Variants in APOL5 observed in about 807,000 individuals in gnomAD.
The protein encoded by APOL5 is apolipoprotein L5.
In APOL5, 29 loss-of-function variants were observed where a neutral mutation model predicts 35.5. The ratio of observed to expected loss-of-function variants is 0.82; its 90% CI spans 0.61 to 1.11. The LOEUF is 1.11. Ranked by LOEUF, APOL5 falls within the 50% of genes most tolerant of loss-of-function variation. APOL5 has a pLI of 0.00. For missense variants in APOL5, 514 were observed against 530.4 expected, an observed-to-expected ratio of 0.97 and a Z score of 0.30; for synonymous variants, 188 against 200.2, an observed-to-expected ratio of 0.94 and a Z score of 0.51.
the APOL5 span, among the ~76,000 whole-genome samples, chr22:35,712,782 G>A: frequency 1.3e-5 from 2 of 152,110 alleles, no homozygotes; most frequent in African/African-American, 2.4e-5. Flanking sequence ...TATGACCTGG[G>A]CCTTCTACCT....
chr22:35,726,775 C>T lies in APOL5; in HGVS notation c.707C>T (p.Ala236Val). The T allele has an allele frequency of 6.2e-7, 1 of 1,614,204 alleles. No homozygotes were observed. Among genetic ancestry groups the T allele is most frequent in the East Asian group, 2.2e-5 (1 of 44,890 alleles). ...AGFCVNKCVK[A>V]IQGIKDLHAY... Reference sequence around the variant, plus strand: ...TTTTGTGTTAATAAGTGTGTAAAAGCTATCCAGGGCATCAAGGATCTTCAT... The same window carrying T: ...TTTTGTGTTAATAAGTGTGTAAAAGTTATCCAGGGCATCAAGGATCTTCAT... Residue 236 changes from alanine to valine, a missense_variant, in exon 3 of 5, where the codon GCT becomes GTT. Around this residue, in one of 3 missense-constraint regions of APOL5, gnomAD observed 22 missense variants for 46.6 expected, o/e 0.47. Coordinates refer to ENST00000249044, the MANE Select transcript of APOL5 (RefSeq NM_030642.1).
At chr22:35,710,915 C>G in the APOL5 span, among the ~76,000 whole-genome samples, 1 of 152,174 alleles carries the variant, frequency 6.6e-6, no homozygotes, top group African/African-American at 2.4e-5. Context: ...GCCTGTAATC[C>G]CAACACTTTG....
the APOL5 span, among the ~76,000 whole-genome samples, chr22:35,711,789 C>A: frequency 6.6e-6 from 1 of 151,458 alleles, no homozygotes; most frequent in Non-Finnish European, 1.5e-5. Context: ...GATTCCCCTG[C>A]CTCAGCCTCC....
upstream of APOL5, chr22:35,717,755 AAAG>A: frequency 5.7e-6 from 2 of 350,572 alleles, no homozygotes; most frequent in Non-Finnish European, 8.7e-6. Flanking sequence ...AAAAAAAAAG[AAAG>A]AAAAGAAAAG....
intron 2 of APOL5, among the ~76,000 whole-genome samples, chr22:35,722,791 A>G (rs897232035): frequency 6.6e-6 from 1 of 152,174 alleles, no homozygotes; most frequent in Non-Finnish European, 1.5e-5. Flanking sequence ...TCTTTCCCAA[A>G]GAGCCTAGAT....
chr22:35,710,314 T>C, the APOL5 span, among the ~76,000 whole-genome samples: 1 of 148,082 alleles, frequency 6.8e-6, no homozygotes, highest in East Asian at 2.0e-4. Flanking sequence ...TTATTCTTCT[T>C]TTTTTTTTGT....
At chr22:35,720,681 C>T (rs1926940833) in intron 2 of APOL5, 27 bp downstream of exon 2, 1 of 1,474,206 alleles carries the variant, frequency 6.8e-7, no homozygotes, top group Non-Finnish European at 9.5e-7. Flanking sequence ...GGCTGTTATG[C>T]TTATGGCCAC....
upstream of APOL5, among the ~76,000 whole-genome samples, chr22:35,717,235 A>AAAAAAAAAAAAAATATATATATATATAT: frequency 6.9e-5 from 4 of 57,658 alleles, no homozygotes; most frequent in Non-Finnish European, 3.1e-5. Context: ...AAAAAAAAAA[A>AAAAAAAAAAAAAATATATATATATATAT]ATATATATAT....
chr22:35,710,831 G>A, the APOL5 span, among the ~76,000 whole-genome samples: 1 of 152,228 alleles, frequency 6.6e-6, no homozygotes, highest in South Asian at 2.1e-4. Flanking sequence ...ATTTCACCTA[G>A]CAGAATGTCT....
chr22:35,726,190 A>G (rs371262071), intron 2 of APOL5, 21 bp from the exon 3 acceptor site: 1 of 1,594,634 alleles, frequency 6.3e-7, no homozygotes, highest in Non-Finnish European at 8.6e-7. Context: ...TTTAGTGCTC[A>G]GATTGCCTAG....
chr22:35,711,315 T>C, the APOL5 span, among the ~76,000 whole-genome samples: 9 of 152,254 alleles, frequency 5.9e-5, no homozygotes, highest in African/African-American at 2.2e-4. Context: ...TTCCACATTT[T>C]GGCTATTGTG....
upstream of APOL5, among the ~76,000 whole-genome samples, chr22:35,714,161 A>C (rs924006826): frequency 2.6e-5 from 4 of 151,940 alleles, no homozygotes; most frequent in Non-Finnish European, 5.9e-5. Flanking sequence ...AAAACACAAA[A>C]ATTAGCCAGG....
intron 2 of APOL5, 88 bp downstream of exon 2, chr22:35,720,742 A>T (rs1302919462): frequency 1.0e-6 from 1 of 974,250 alleles, no homozygotes; most frequent in Admixed American, 2.3e-5. Context: ...CTCAATGAGT[A>T]TTTGGGTTTT....
upstream of APOL5, among the ~76,000 whole-genome samples, chr22:35,717,231 AAAAAAT>A (rs1926776198): frequency 2.1e-5 from 1 of 47,552 alleles, no homozygotes; most frequent in Non-Finnish European, 3.9e-5. Flanking sequence ...ACAAAAAAAA[AAAAAAT>A]ATATATATAT....
rs753025359 is a variant in APOL5, at chr22:35,726,948, A to G, written c.880A>G (p.Met294Val). The change falls in exon 3 of 5, where the codon ATG becomes GTG. Residue 294 changes from methionine to valine, a missense_variant. Met to Val is a conservative substitution (Grantham distance 21). Transcript: ENST00000249044. ...TLAMTNGAWV[M>V]GAAGAGFLLM... is the part of the protein sequence containing the mutation. ...GGCCATGACCAATGGTGCCTGGGTG[A>G]TGGGTGCTGCTGGGGCTGGCTTCTT... 1.2e-6 allele frequency: 2 copies of G among 1,614,174 alleles called. No individual in the cohort carries two copies. Among genetic ancestry groups the G allele is most frequent in the South Asian group, 2.2e-5 (2 of 91,082 alleles).
chr22:35,718,257 A>T (rs770148204), intron 1 of APOL5, among the ~76,000 whole-genome samples: 15 of 152,244 alleles, frequency 9.9e-5, no homozygotes, highest in Non-Finnish European at 4.4e-5. Context: ...TGGTTAAAGT[A>T]GAGGCAGCAG....
At chr22:35,717,100 A>G (rs145378201), upstream of APOL5, among the ~76,000 whole-genome samples, 570 of 151,496 alleles carry the variant, frequency 3.8e-3, 3 homozygotes, top group African/African-American at 0.012. Context: ...AGACATCCCA[A>G]GAAGGCCAGG....
intron 2 of APOL5, among the ~76,000 whole-genome samples, chr22:35,725,509 T>C (rs1195853560): frequency 6.6e-6 from 1 of 152,002 alleles, no homozygotes; most frequent in African/African-American, 2.4e-5. Context: ...CGCCTGGGCC[T>C]CCCAAAATGC....
chr22:35,711,861 G>T, the APOL5 span, among the ~76,000 whole-genome samples: 4 of 152,212 alleles, frequency 2.6e-5, no homozygotes, highest in Admixed American at 2.6e-4. Context: ...TTTTAGTGGA[G>T]ACGGGGTTTC....
Sources: gnomAD v4.1 joint callset for allele counts (sites outside exome capture counted in the v4.1 genomes callset) on GRCh38, gnomAD v4.1.1 for gene constraint, gnomAD v4.1.1 regional missense constraint, MANE v1.5 for transcripts, NCBI Gene and HGNC (gene_info 2026-07-23, HGNC 2026-07-21) for gene names.